EPHA5: variants seen among roughly 807,000 people sequenced by gnomAD.
EPHA5 encodes the protein ephrin type-A receptor 5.
A neutral mutation model predicts 105.0 loss-of-function variants in EPHA5; 60 were observed. The observed-to-expected ratio is 0.57, with a 90% CI of 0.46 to 0.71. The LOEUF (loss-of-function observed/expected upper bound fraction) is 0.71, where lower values mean the gene tolerates loss of function less well. EPHA5 is among the 30% of genes least tolerant of loss of function. EPHA5 has a pLI of 0.00. For missense variants in EPHA5, 1,218 were observed against 1,274.7 expected, an observed-to-expected ratio of 0.96 and a Z score of 0.68; for synonymous variants, 513 against 449.1, an observed-to-expected ratio of 1.14 and a Z score of -1.80.
intron 8 of EPHA5, among the ~76,000 whole-genome samples, chr4:65,371,646 T>C (rs1420528377): frequency 6.6e-6 from 1 of 152,160 alleles, no homozygotes; most frequent in Non-Finnish European, 1.5e-5. Context: ...TACCAAGTAA[T>C]GTACACAAGC....
intron 3 of EPHA5, among the ~76,000 whole-genome samples, chr4:65,589,806 T>C: frequency 6.6e-6 from 1 of 152,154 alleles, no homozygotes; most frequent in Non-Finnish European, 1.5e-5. Flanking sequence ...TGCTTTCAGA[T>C]TGTGAGGCAT....
At chr4:65,643,494 A>T in intron 1 of EPHA5, 67 bp from the exon 2 acceptor site, 1 of 1,313,514 alleles carries the variant, frequency 7.6e-7, no homozygotes, top group Non-Finnish European at 1.1e-6. Flanking sequence ...CTCTATTTTA[A>T]TAGTGTTATT....
At chr4:65,625,303 C>T (rs940904255) in intron 2 of EPHA5, among the ~76,000 whole-genome samples, 1 of 151,644 alleles carries the variant, frequency 6.6e-6, no homozygotes, top group African/African-American at 2.4e-5. Flanking sequence ...TTTTAAACTG[C>T]TAGTTTGTCA....
intron 2 of EPHA5, among the ~76,000 whole-genome samples, chr4:65,607,491 C>CAA (rs71933682): frequency 9.9e-5 from 15 of 151,596 alleles, no homozygotes; most frequent in Non-Finnish European, 2.2e-4. Context: ...AACAAACAAA[C>CAA]AAAAAAAAAA....
At chr4:65,421,158 C>T (rs1018465593) in intron 5 of EPHA5, among the ~76,000 whole-genome samples, 2 of 151,974 alleles carry the variant, frequency 1.3e-5, no homozygotes, top group African/African-American at 4.8e-5. Context: ...ATCATAATCA[C>T]TTCTGGTGAT....
At chr4:65,483,426 G>A (rs899529200) in intron 5 of EPHA5, among the ~76,000 whole-genome samples, 2 of 151,900 alleles carry the variant, frequency 1.3e-5, no homozygotes, top group South Asian at 2.1e-4. Flanking sequence ...GATCCCTGAG[G>A]AATCGCCACA....
chr4:65,628,313 G>A (rs779397100), intron 2 of EPHA5, among the ~76,000 whole-genome samples: 1 of 151,964 alleles, frequency 6.6e-6, no homozygotes, highest in African/African-American at 2.4e-5. Flanking sequence ...TCAAAGGACA[G>A]CACAATACAT....
intron 3 of EPHA5, among the ~76,000 whole-genome samples, chr4:65,563,533 C>T (rs147262458): frequency 6.6e-6 from 1 of 151,914 alleles, no homozygotes; most frequent in Non-Finnish European, 1.5e-5. Flanking sequence ...GGAGTTAGAA[C>T]TTTAAAAATT....
intron 2 of EPHA5, among the ~76,000 whole-genome samples, chr4:65,625,714 T>G (rs1746078310): frequency 1.3e-5 from 2 of 152,218 alleles, no homozygotes. Context: ...TGATTCAATT[T>G]ACAATTTAAA....
chr4:65,473,952 T>C (rs1043171018), intron 5 of EPHA5, among the ~76,000 whole-genome samples: 3 of 149,420 alleles, frequency 2.0e-5, no homozygotes, highest in Non-Finnish European at 4.4e-5. Context: ...ATTAAGTACA[T>C]GTATAAGAAA....
intron 14 of EPHA5, among the ~76,000 whole-genome samples, chr4:65,337,449 A>T (rs568148567): frequency 6.6e-6 from 1 of 152,144 alleles, no homozygotes; most frequent in East Asian, 1.9e-4. Context: ...TTTTTTTCAA[A>T]GACAATTTTT....
At chr4:65,622,929 C>T (rs1457079937) in intron 2 of EPHA5, among the ~76,000 whole-genome samples, 1 of 152,038 alleles carries the variant, frequency 6.6e-6, no homozygotes, top group Non-Finnish European at 1.5e-5. Flanking sequence ...TAAAGAGACT[C>T]AGCAAGGCTG....
At chr4:65,578,483 A>C (rs1411321948) in intron 3 of EPHA5, among the ~76,000 whole-genome samples, 2 of 152,112 alleles carry the variant, frequency 1.3e-5, no homozygotes, top group Non-Finnish European at 2.9e-5. Context: ...CACACAGACA[A>C]ATGCTCCAAC....
chr4:65,574,641 C>CATATATATATATATACATATATATATAT (rs752109599), intron 3 of EPHA5, among the ~76,000 whole-genome samples: 1 of 70,270 alleles, frequency 1.4e-5, no homozygotes, highest in Non-Finnish European at 3.2e-5. Context: ...TATATATATA[C>CATATATATATATATACATATATATATAT]ACATATATAT....
At chr4:65,400,705 G>C (rs1319997811) in intron 8 of EPHA5, among the ~76,000 whole-genome samples, 2 of 151,880 alleles carry the variant, frequency 1.3e-5, no homozygotes, top group Admixed American at 1.3e-4. Context: ...TTTTTTATTT[G>C]AAATAGATCA....
At chr4:65,665,997 G>A (rs139827715) in intron 1 of EPHA5, among the ~76,000 whole-genome samples, 38 of 152,258 alleles carry the variant, frequency 2.5e-4, no homozygotes, top group African/African-American at 8.2e-4. Context: ...AGGATGACAA[G>A]GCCACAGAAT....
At chr4:65,338,447 A>C (rs1359258834) in intron 14 of EPHA5, among the ~76,000 whole-genome samples, 1 of 152,092 alleles carries the variant, frequency 6.6e-6, no homozygotes, top group African/African-American at 2.4e-5. Flanking sequence ...GCTACCAATT[A>C]ATTCGATTTT....
At chr4:65,506,804 T>C (rs1733074166) in intron 3 of EPHA5, among the ~76,000 whole-genome samples, 1 of 152,190 alleles carries the variant, frequency 6.6e-6, no homozygotes, top group African/African-American at 2.4e-5. Flanking sequence ...GCAAAAATTT[T>C]CTCCCATTCT....
chr4:65,428,489 C>T (rs1724665796), intron 5 of EPHA5, among the ~76,000 whole-genome samples: 1 of 152,038 alleles, frequency 6.6e-6, no homozygotes, highest in Non-Finnish European at 1.5e-5. Flanking sequence ...AATCTGCTCA[C>T]TCAGACAAAA....
Sources: allele counts gnomAD v4.1 joint callset (sites outside exome capture counted in the v4.1 genomes callset), GRCh38; gene constraint gnomAD v4.1.1; transcripts MANE v1.5; gene names NCBI Gene and HGNC (gene_info 2026-07-23, HGNC 2026-07-21).